PARP4: variants seen among roughly 807,000 people sequenced by gnomAD.
The protein encoded by PARP4 is poly(ADP-ribose) polymerase family member 4.
A neutral mutation model predicts 187.7 loss-of-function variants in PARP4; 120 were observed. That is an observed-to-expected ratio of 0.64 (90% confidence interval 0.55 to 0.74). The LOEUF is 0.74. PARP4 is among the 30% of genes least tolerant of loss of function. The pLI, the probability that PARP4 is intolerant of heterozygous loss-of-function variation, is 0.00. For synonymous variants in PARP4, 654 were observed against 740.9 expected (o/e 0.88, Z 1.90); for missense variants, 1,836 against 2,070.5 (o/e 0.89, Z 2.20).
Position 24,499,404 on chromosome 13 carries a change from T to G in PARP4, c.402-28A>C, listed in dbSNP as rs1162125768. On this transcript the variant is annotated intron_variant, in intron 4 of 33. Transcript: ENST00000381989. Reference sequence around the variant, plus strand: ...GAAATTTGTAGTGTATAATTAAAATTTTAACATTAAATGGATTTTAGGCTA... The same window carrying G: ...GAAATTTGTAGTGTATAATTAAAATGTTAACATTAAATGGATTTTAGGCTA... 2.0e-6 allele frequency: 3 copies of G among 1,531,040 alleles called. No individual in the cohort carries two copies. In the South Asian group the frequency reaches 3.7e-5, roughly 19 times the overall value. 94.8% of individuals were successfully genotyped at this position (1,531,040 alleles called of 1,614,324 possible).
Position 24,469,074 on chromosome 13 carries a change from C to T in PARP4, c.2083G>A (p.Glu695Lys), listed in dbSNP as rs1465756814. ...EKEEAQQEYL[E>K]AVTQGHGAYL... ...GCGCCATGGCCCTGGGTCACGGCTT[C>T]TAGGTACTCTTGCTGGGCTTCTTCC... The change falls in exon 17 of 34, where the codon GAA (glutamate) becomes AAA (lysine). Residue 695 changes from glutamate to lysine, a missense_variant. Glu to Lys is a moderately conservative substitution (Grantham distance 56). This residue lies in a region of PARP4 where 1,147 missense variants were observed against 1,214.2 expected (regional missense o/e 0.94). Coordinates refer to ENST00000381989, the MANE Select transcript of PARP4 (RefSeq NM_006437.4). 6.2e-7 allele frequency: 1 copy of T among 1,613,892 alleles called. No individual in the cohort carries two copies. Among genetic ancestry groups the T allele is most frequent in the Admixed American group, 1.7e-5 (1 of 60,024 alleles).
chr13:24,471,917 G>A (rs1466576294), intron 15 of PARP4, among the ~76,000 whole-genome samples: 4 of 152,134 alleles, frequency 2.6e-5, no homozygotes, highest in Admixed American at 2.0e-4. Context: ...TTTTACACAT[G>A]AGGAAAACGA....
Position 24,478,118 on chromosome 13 carries a change from G to C in PARP4, c.1607C>G (p.Thr536Arg). Residue 536 changes from threonine (T) to arginine (R), a missense_variant, in exon 13 of 34, where the codon ACA (threonine) becomes AGA (arginine). Physicochemically the swap from Thr to Arg is moderately conservative, Grantham distance 71 (BLOSUM62 -1). Transcript: ENST00000381989. ...CTCAAAGTCTGTGGTGACAGAGGCT[G>C]TTTGCGAAACTCCATGCACACTGTC... ...GYDSVHGVSQ[T>R]ASVTTDFEDD... The C allele has an allele frequency of 6.2e-7, 1 of 1,605,936 alleles. No homozygotes were observed. The highest frequency in any genetic ancestry group is 8.5e-7 in the Non-Finnish European group (1 of 1,176,074).
chr13:24,424,673 C>CTTT (rs1241681310), intron 33 of PARP4, among the ~76,000 whole-genome samples: 32,305 of 128,780 alleles, frequency 0.25, 6,250 homozygotes, highest in African/African-American at 0.5. Context: ...AAATTATGTA[C>CTTT]TTTTTTTTTT....
In PARP4 at chr13:24,498,220, C is replaced by T. The variant is rs549913170; in HGVS notation, c.487G>A (p.Glu163Lys). The T allele has an allele frequency of 3.8e-5, 61 of 1,611,608 alleles. No homozygotes were observed. The highest frequency in any genetic ancestry group is 5.3e-5 in the African/African-American group (4 of 74,982). Residue 163 changes from glutamate (E) to lysine (K), a missense_variant, in exon 6 of 34, where the codon GAG becomes AAG. This residue lies in a region of PARP4 where 1,147 missense variants were observed against 1,214.2 expected (regional missense o/e 0.94). Transcript: ENST00000381989. ...KYNTLEKVGM[E>K]GGQEAVVVEL... is the part of the protein sequence containing the mutation. Reference sequence around the variant, plus strand: ...ACCACCACAGCTTCCTGGCCTCCCTCCATTCCCACCTGGAAAACAGGATGT... The same window carrying T: ...ACCACCACAGCTTCCTGGCCTCCCTTCATTCCCACCTGGAAAACAGGATGT...
intron 5 of PARP4, among the ~76,000 whole-genome samples, chr13:24,498,596 C>CTA (rs1245451906): frequency 6.6e-6 from 1 of 151,932 alleles, no homozygotes; most frequent in Non-Finnish European, 1.5e-5. Flanking sequence ...CGATTTATAT[C>CTA]TATATATATA....
At chr13:24,459,333 G>A (rs376079397) in intron 18 of PARP4, 23 bp from the exon 19 acceptor site, 14 of 1,508,018 alleles carry the variant, frequency 9.3e-6, no homozygotes, top group Admixed American at 6.2e-5. Context: ...AAATACATTT[G>A]TATAACTAAG....
chr13:24,424,729 T>C (rs1869930656), intron 33 of PARP4, among the ~76,000 whole-genome samples: 1 of 147,046 alleles, frequency 6.8e-6, no homozygotes, highest in Non-Finnish European at 1.5e-5. Flanking sequence ...TGGAGTGCAG[T>C]GGCACGATCT....
chr13:24,463,156 A>G (rs1455607651), intron 17 of PARP4, among the ~76,000 whole-genome samples: 1 of 152,210 alleles, frequency 6.6e-6, no homozygotes, highest in Admixed American at 6.6e-5. Context: ...ACCTTCACAT[A>G]TAGATGAACA....
chr13:24,495,384 G>A (rs1175293002), intron 6 of PARP4, among the ~76,000 whole-genome samples: 1 of 152,146 alleles, frequency 6.6e-6, no homozygotes, highest in Non-Finnish European at 1.5e-5. Flanking sequence ...AAAATCTGGA[G>A]GGGAAGGGGA....
intron 20 of PARP4, among the ~76,000 whole-genome samples, chr13:24,457,783 A>G (rs1055506298): frequency 6.8e-5 from 8 of 117,110 alleles, no homozygotes; most frequent in East Asian, 2.0e-4. Context: ...AAAAAAAAAA[A>G]AAAAAAAAAA....
chr13:24,475,704 A>T (rs1298634323), intron 14 of PARP4, 108 bp from the exon 15 acceptor site: 4 of 1,120,664 alleles, frequency 3.6e-6, no homozygotes, highest in Non-Finnish European at 5.2e-6. Context: ...TTTTAGGGAA[A>T]ATGGGCAAAT....
chr13:24,461,017 G>A (rs4517635), intron 17 of PARP4, among the ~76,000 whole-genome samples: 33,541 of 152,022 alleles, frequency 0.22, 3,952 homozygotes, highest in East Asian at 0.3. Flanking sequence ...TTAAAGGGAT[G>A]TTGATAATAG....
intron 18 of PARP4, chr13:24,459,530 T>TACAC (rs1312201656): frequency 9.6e-6 from 3 of 312,300 alleles, no homozygotes; most frequent in Non-Finnish European, 1.7e-5. Context: ...TGTCTGTGTG[T>TACAC]ATACACACAC....
At chr13:24,487,274 A>G (rs1873614596) in intron 10 of PARP4, among the ~76,000 whole-genome samples, 1 of 145,896 alleles carries the variant, frequency 6.9e-6, no homozygotes, top group African/African-American at 2.5e-5. Flanking sequence ...AAAAAAAAAA[A>G]GTGATCAAAT....
chr13:24,422,620 T>G (rs2137425102), intron 33 of PARP4, among the ~76,000 whole-genome samples: 1 of 152,282 alleles, frequency 6.6e-6, no homozygotes, highest in African/African-American at 2.4e-5. Flanking sequence ...ATATTTAATT[T>G]TTTTTTTTAG....
intron 1 of PARP4, among the ~76,000 whole-genome samples, chr13:24,504,266 T>G (rs771951441): frequency 6.6e-6 from 1 of 151,700 alleles, no homozygotes; most frequent in Non-Finnish European, 1.5e-5. Flanking sequence ...AAATGGAATA[T>G]GTATGTGTGT....
chr13:24,455,644 G>T (rs1314604662), intron 21 of PARP4, among the ~76,000 whole-genome samples: 2 of 135,308 alleles, frequency 1.5e-5, no homozygotes, highest in Admixed American at 1.5e-4. Flanking sequence ...TTGAGACAGG[G>T]TCTCCCTCTG....
rs57015283 is a variant in PARP4, at chr13:24,455,480, AAT to A, written c.2563-270_2563-269del. Among the ~76,000 whole-genome samples, 548 of 108,290 alleles carry A rather than the reference AAT, an allele frequency of 5.1e-3. 18 individuals carry two copies. Among genetic ancestry groups the A allele is most frequent in the South Asian group, 0.018 (57 of 3,124 alleles). The allele number at this position is 108,290 out of a possible 152,430, so 71.0% of individuals were successfully genotyped here. On this transcript the variant is annotated intron_variant, in intron 21 of 33. Transcript: ENST00000381989. ...CATATAGCATCAACATTATGGAACA[AAT>A]ATATATATATATATATATATATATC...
Sources: allele counts gnomAD v4.1 joint callset (sites outside exome capture counted in the v4.1 genomes callset), GRCh38; gene constraint gnomAD v4.1.1; regional missense constraint gnomAD v4.1.1; transcripts MANE v1.5; gene names NCBI Gene and HGNC (gene_info 2026-07-23, HGNC 2026-07-21).